The following PITX1 variants were observed in gnomAD, a reference collection of about 807,000 sequenced individuals.
The protein encoded by PITX1 is pituitary homeobox 1.
A neutral mutation model predicts 24.1 loss-of-function variants in PITX1; 5 were observed. That is an observed-to-expected ratio of 0.21 (90% CI 0.11 to 0.44). The LOEUF is 0.44. Ranked by LOEUF, PITX1 falls within the 20% of genes least tolerant of loss-of-function variation. PITX1 has a pLI of 0.99. For synonymous variants in PITX1, 213 were observed against 208.9 expected (o/e 1.02, Z -0.17); for missense variants, 401 against 455.4 (o/e 0.88, Z 1.09).
At position 135,033,539 on chromosome 5, in the gene PITX1, G is replaced by T; in HGVS notation, c.169+174C>A. 1 of 673,422 alleles carries T rather than the reference G, an allele frequency of 1.5e-6. No individual in the cohort carries two copies. Among genetic ancestry groups the T allele is most frequent in the Non-Finnish European group, 2.5e-6 (1 of 401,858 alleles). The allele number at this position is 673,422 out of a possible 1,614,324, so 41.7% of individuals were successfully genotyped here. A position where few individuals can be genotyped will look rare whatever the true frequency, so the allele number is the denominator to read the frequency against. The stretch of plus-strand genomic sequence containing the variant: ...ACCGCGTGGAAGTGCCTTCGCGTGT[G>T]CGTAAGTTTCCGCGTTCACCGTCAG... On this transcript the variant is annotated intron_variant, in intron 1 of 2. Coordinates refer to ENST00000265340, the MANE Select transcript of PITX1 (RefSeq NM_002653.5). This position sits in a 1 kb window ranked among gnomAD's most constrained non-coding sequence, Gnocchi z 5.9.
At position 135,031,284 on chromosome 5, in the gene PITX1, G is replaced by A. The variant is rs761379519; in HGVS notation, c.394C>T (p.Arg132Cys). ...GCGCACCCCTTGCTCACCCGCACGC[G>A]CGGCTCGGTGAGGTTGGTCCACACG... ...IAVWTNLTEP[R>C]VRVWFKNRRA... Residue 132 changes from arginine to cysteine, a missense_variant, in exon 2 of 3, where the codon CGC becomes TGC. Coordinates refer to ENST00000265340, the MANE Select transcript of PITX1 (RefSeq NM_002653.5). The A allele has an allele frequency of 3.0e-5, 49 of 1,613,916 alleles. No homozygotes were observed. Among genetic ancestry groups the A allele is most frequent in the Non-Finnish European group, 4.1e-5 (48 of 1,179,806 alleles).
At position 135,028,817 on chromosome 5, in the gene PITX1, G is replaced by C. The variant is rs773690157; in HGVS notation, c.907C>G (p.Pro303Ala). The C allele has an allele frequency of 1.2e-6, 2 of 1,611,836 alleles. No individual in the cohort carries two copies. Among genetic ancestry groups the C allele is most frequent in the Non-Finnish European group, 1.7e-6 (2 of 1,179,432 alleles). ...TGGCACGCGTTGAGGCCCGAGGCCG[G>C]GCCCTGCAGGCCGCCGTAGCCAAAC... ...SSFGYGGLQG[P>A]ASGLNACQYN... The change falls in exon 3 of 3, where the codon CCG becomes GCG. Residue 303 changes from proline to alanine, a missense_variant. By Grantham distance (27) the Pro-to-Ala change is conservative (BLOSUM62 -1). This residue lies in a region of PITX1 where 217 missense variants were observed against 219.8 expected (regional missense o/e 0.99). Coordinates refer to ENST00000265340, the MANE Select transcript of PITX1 (RefSeq NM_002653.5).
Position 135,031,357 on chromosome 5 carries a change from C to T in PITX1, c.321G>A (p.Thr107=), listed in dbSNP as rs1752444341. Residue 107 remains threonine, a synonymous_variant, in exon 2 of 3, where the codon ACG becomes ACA. Coordinates refer to ENST00000265340, the MANE Select transcript of PITX1 (RefSeq NM_002653.5). ...TGTCGGGGTAGCGGTTCCTCTGGAA[C>T]GTGGCCTCTAGCTCTTGCAACTGCT... is the stretch of plus-strand genomic sequence containing the variant. The part of the protein sequence containing the change: ...TSQQLQELEA[T]FQRNRYPDMS... 2 of 1,614,100 alleles carry T rather than the reference C, an allele frequency of 1.2e-6. No homozygotes were observed. Among genetic ancestry groups the T allele is most frequent in the Middle Eastern group, 1.6e-4 (1 of 6,062 alleles).
intron 1 of PITX1, among the ~76,000 whole-genome samples, chr5:135,032,537 T>C (rs1005725289): frequency 6.6e-6 from 1 of 152,226 alleles, no homozygotes; most frequent in Non-Finnish European, 1.5e-5. Context: ...CGCGCCATTT[T>C]GGATTGACTT....
At position 135,033,700 on chromosome 5, in the gene PITX1, G is replaced by A. The variant is rs1415309811; in HGVS notation, c.169+13C>T. The A allele has an allele frequency of 2.5e-6, 4 of 1,594,552 alleles. No individual in the cohort carries two copies. The highest frequency in any genetic ancestry group is 4.5e-5 in the East Asian group (2 of 44,536). On this transcript the variant is annotated intron_variant, in intron 1 of 2. Coordinates refer to ENST00000265340, the MANE Select transcript of PITX1 (RefSeq NM_002653.5). The surrounding 1 kb of genome is among the most constrained non-coding windows in gnomAD (Gnocchi z 5.9). The stretch of plus-strand genomic sequence containing the variant: ...GTAGGCTCTGTGCGCGCCGCGCGGG[G>A]AACGGCGCTTACCTGGCAGCTCCGT...
At chr5:135,030,136 C>A (rs1341655487) in intron 2 of PITX1, among the ~76,000 whole-genome samples, 2 of 152,054 alleles carry the variant, frequency 1.3e-5, no homozygotes, top group Non-Finnish European at 2.9e-5. Flanking sequence ...TTTCTCCCCC[C>A]AAATTTGGTA....
Position 135,029,326 on chromosome 5 carries a change from G to GGGA in PITX1, c.403-8_403-6dup. ...TCGCCGGTTCTTGAACCAGACCTGG[G>GGGA]GGAGGGGACGGGAGAAGGGTCAGGG... On this transcript the variant is annotated splice_region_variant and splice_polypyrimidine_tract_variant and intron_variant, in intron 2 of 2. Coordinates refer to ENST00000265340, the MANE Select transcript of PITX1 (RefSeq NM_002653.5). The GGGA allele has an allele frequency of 6.3e-7, 1 of 1,582,696 alleles. No individual in the cohort carries two copies. The highest frequency in any genetic ancestry group is 1.2e-5 in the South Asian group (1 of 84,806).
At chr5:135,031,082 T>C (rs1752437924) in intron 2 of PITX1, among the ~76,000 whole-genome samples, 194 bp downstream of exon 2, 1 of 152,050 alleles carries the variant, frequency 6.6e-6, no homozygotes, top group African/African-American at 2.4e-5. Context: ...GGGTTGAAGG[T>C]CCGAGGCGCC....
At chr5:135,030,414 G>GGGA (rs1752428294) in intron 2 of PITX1, among the ~76,000 whole-genome samples, 1 of 152,234 alleles carries the variant, frequency 6.6e-6, no homozygotes, top group African/African-American at 2.4e-5. Context: ...AGCCTGCCTA[G>GGGA]GGAGGGGTGA....
At chr5:135,034,687 C>A (rs180702771), upstream of PITX1, 1 of 152,420 alleles carries the variant, frequency 6.6e-6, no homozygotes, top group Admixed American at 6.5e-5. Flanking sequence ...AGGATCGCAC[C>A]GAGCGGGCGC....
Position 135,028,368 on chromosome 5 carries a change from G to A in PITX1, c.*411C>T, listed in dbSNP as rs1007610854. The A allele has an allele frequency of 6.5e-6, 1 of 153,912 alleles. No homozygotes were observed. The highest frequency in any genetic ancestry group is 1.4e-5 in the Non-Finnish European group (1 of 69,218). 9.5% of individuals were successfully genotyped at this position (153,912 alleles called of 1,614,324 possible). A position where few individuals can be genotyped will look rare whatever the true frequency, so the allele number is the denominator to read the frequency against. On this transcript the variant is annotated 3_prime_UTR_variant, in exon 3 of 3. Coordinates refer to ENST00000265340, the MANE Select transcript of PITX1 (RefSeq NM_002653.5). ...CTCAGTCCGGATCCAGCGCGGCGGG[G>A]ACGCGGGATACGAGGTCGTCCTCCC... is the stretch of plus-strand genomic sequence containing the variant.
upstream of PITX1, chr5:135,034,608 C>T (rs1174271904): frequency 1.3e-5 from 2 of 152,462 alleles, no homozygotes; most frequent in African/African-American, 4.8e-5. Flanking sequence ...GAATCAACTC[C>T]CGTCTCGGCC....
rs527742623 is a variant in PITX1, at chr5:135,031,188, C to T, written c.402+88G>A. On this transcript the variant is annotated intron_variant, in intron 2 of 2. Coordinates refer to ENST00000265340, the MANE Select transcript of PITX1 (RefSeq NM_002653.5). ...TGAATGGTGGGAGAGTGAAGTTCTGCTTGTGGGTCTAAGCTTTGGAGGGCT... is the reference window on the plus strand; with the variant it reads ...TGAATGGTGGGAGAGTGAAGTTCTGTTTGTGGGTCTAAGCTTTGGAGGGCT... 8.2e-6 allele frequency: 8 copies of T among 970,524 alleles called. No homozygotes were observed. In the African/African-American group the frequency reaches 1.1e-4, roughly 14 times the overall value. 60.1% of individuals were successfully genotyped at this position (970,524 alleles called of 1,614,324 possible). A position where few individuals can be genotyped will look rare whatever the true frequency, so the allele number is the denominator to read the frequency against.
intron 1 of PITX1, among the ~76,000 whole-genome samples, chr5:135,032,636 A>T (rs1243127472): frequency 2.0e-5 from 3 of 151,922 alleles, no homozygotes; most frequent in Non-Finnish European, 4.4e-5. Flanking sequence ...GAATCGAAAG[A>T]TACAGTTAAA....
intron 1 of PITX1, chr5:135,031,778 G>C: frequency 5.3e-6 from 3 of 569,070 alleles, no homozygotes; most frequent in Non-Finnish European, 9.3e-6. Flanking sequence ...TGCACCCTTA[G>C]CTCGGCTCAG....
chr5:135,033,359 C>T lies in PITX1; in HGVS notation c.169+354G>A, dbSNP rs1752498102. 2 of 327,048 alleles carry T rather than the reference C, an allele frequency of 6.1e-6. No homozygotes were observed. Among genetic ancestry groups the T allele is most frequent in the Non-Finnish European group, 5.8e-6 (1 of 173,788 alleles). The allele number at this position is 327,048 out of a possible 1,614,324, so 20.3% of individuals were successfully genotyped here. On this transcript the variant is annotated intron_variant, in intron 1 of 2. Coordinates refer to ENST00000265340, the MANE Select transcript of PITX1 (RefSeq NM_002653.5). This position sits in a 1 kb window ranked among gnomAD's most constrained non-coding sequence, Gnocchi z 5.9. Reference sequence around the variant, plus strand: ...TCGCCCGTCACCCCTCTTCCTTTCTCGGTCTCCTCCTCTCCCTTCGTCCGA... The same window carrying T: ...TCGCCCGTCACCCCTCTTCCTTTCTTGGTCTCCTCCTCTCCCTTCGTCCGA...
At chr5:135,029,399 C>G in intron 2 of PITX1, 78 bp from the exon 3 acceptor site, 1 of 1,269,222 alleles carries the variant, frequency 7.9e-7, no homozygotes, top group Non-Finnish European at 1.1e-6. Context: ...CCGCCTGGAG[C>G]CTTCCGTCGG....
In PITX1 at chr5:135,031,291, G is replaced by T; in HGVS notation, c.387C>A (p.Thr129=). ...REEIAVWTNL[T]EPRVRVWFKN... ...CCTTGCTCACCCGCACGCGCGGCTC[G>T]GTGAGGTTGGTCCACACGGCGATCT... is the stretch of plus-strand genomic sequence containing the variant. Residue 129 remains threonine (T), a synonymous_variant, in exon 2 of 3, where the codon ACC becomes ACA. Transcript: ENST00000265340. The T allele has an allele frequency of 6.2e-7, 1 of 1,613,962 alleles. No homozygotes were observed. Among genetic ancestry groups the T allele is most frequent in the Non-Finnish European group, 8.5e-7 (1 of 1,179,856 alleles).
rs974133901 is a variant in PITX1, at chr5:135,033,347, C to T, written c.169+366G>A. On this transcript the variant is annotated intron_variant, in intron 1 of 2. Coordinates refer to ENST00000265340, the MANE Select transcript of PITX1 (RefSeq NM_002653.5). The surrounding 1 kb of genome is among the most constrained non-coding windows in gnomAD (Gnocchi z 5.9). ...GAGTGCGTTCTCTCGCCCGTCACCC[C>T]TCTTCCTTTCTCGGTCTCCTCCTCT... The T allele has an allele frequency of 3.1e-6, 1 of 323,722 alleles. No individual in the cohort carries two copies. Among genetic ancestry groups the T allele is most frequent in the Non-Finnish European group, 5.8e-6 (1 of 171,464 alleles). 20.1% of individuals were successfully genotyped at this position (323,722 alleles called of 1,614,324 possible). A position where few individuals can be genotyped will look rare whatever the true frequency, so the allele number is the denominator to read the frequency against.
Sources: allele counts gnomAD v4.1 joint callset (sites outside exome capture counted in the v4.1 genomes callset), GRCh38; gene constraint gnomAD v4.1.1; regional missense constraint gnomAD v4.1.1; non-coding constraint Gnocchi (gnomAD v3.1); transcripts MANE v1.5; gene names NCBI Gene and HGNC (gene_info 2026-07-23, HGNC 2026-07-21).